NAT1: variants seen among roughly 807,000 people sequenced by gnomAD.
The protein encoded by NAT1 is arylamine N-acetyltransferase 1.
For missense variants in NAT1, 400 were observed against 339.2 expected (o/e 1.18, Z -1.41); for synonymous variants, 144 against 122.6 (o/e 1.17, Z -1.16).
chr8:18,170,562 C>T (rs1354383221), intron 1 of NAT1: 6 of 152,160 alleles, frequency 3.9e-5, no homozygotes, highest in Admixed American at 1.3e-4. Context: ...CTCACCTCAT[C>T]GGAGGTGGGG....
chr8:18,182,750 A>T (rs1375903433), intron 2 of NAT1, among the ~76,000 whole-genome samples: 1 of 152,168 alleles, frequency 6.6e-6, no homozygotes, highest in African/African-American at 2.4e-5. Context: ...ATTCATGTTA[A>T]AATTAACTCA....
chr8:18,216,224 G>A (rs1238639640), intron 1 of NAT1, among the ~76,000 whole-genome samples: 1 of 152,076 alleles, frequency 6.6e-6, no homozygotes, highest in Non-Finnish European at 1.5e-5. Flanking sequence ...GAGTGACCTG[G>A]GATTTTTATA....
At chr8:18,218,534 T>A (rs1418607802) in intron 1 of NAT1, among the ~76,000 whole-genome samples, 1 of 152,204 alleles carries the variant, frequency 6.6e-6, no homozygotes, top group East Asian at 1.9e-4. Context: ...GGAATGGGCT[T>A]TCTAAATCAG....
chr8:18,184,361 T>G (rs1194353208), intron 2 of NAT1, among the ~76,000 whole-genome samples: 1 of 152,104 alleles, frequency 6.6e-6, no homozygotes, highest in Non-Finnish European at 1.5e-5. Flanking sequence ...GAGGGCGCCC[T>G]GGGCCCATCA....
chr8:18,180,962 G>C (rs879480712), intron 2 of NAT1, among the ~76,000 whole-genome samples: 2 of 151,874 alleles, frequency 1.3e-5, no homozygotes, highest in South Asian at 4.2e-4. Context: ...TATTCTTTTT[G>C]GTCTGGATTG....
intron 1 of NAT1, among the ~76,000 whole-genome samples, chr8:18,213,350 G>C (rs150579979): frequency 0.01 from 1,540 of 152,082 alleles, 5 homozygotes; most frequent in Non-Finnish European, 0.015. Flanking sequence ...ATTATACCTA[G>C]ATACATCTTG....
intron 2 of NAT1, among the ~76,000 whole-genome samples, chr8:18,172,205 A>C (rs1802121153): frequency 6.6e-6 from 1 of 152,058 alleles, no homozygotes; most frequent in Non-Finnish European, 1.5e-5. Flanking sequence ...ATGGGTCTTA[A>C]GCCAAACACT....
Position 18,184,572 on chromosome 8 carries a change from CATA to C in NAT1, n.92+13839_92+13841del, listed in dbSNP as rs1179389568. On this transcript the variant is annotated intron_variant and non_coding_transcript_variant, in intron 2 of 4. Transcript: ENST00000517441. ...AAGGTTGTTGAATATGAGGTCAATA[CATA>C]ATAATCAAGAATAACAATAATTAAC... 5.3e-5 allele frequency among the ~76,000 whole-genome samples: 8 copies of C among 152,286 alleles called. No individual in the cohort carries two copies. In the East Asian group the frequency reaches 1.5e-3, roughly 29 times the overall value.
intron 2 of NAT1, among the ~76,000 whole-genome samples, chr8:18,182,903 T>G (rs1293557845): frequency 6.6e-6 from 1 of 152,196 alleles, no homozygotes; most frequent in Admixed American, 6.5e-5. Flanking sequence ...CTAAATAATG[T>G]CTAATCATTT....
At chr8:18,220,075 C>T (rs182112096) in intron 2 of NAT1, among the ~76,000 whole-genome samples, 1 of 152,292 alleles carries the variant, frequency 6.6e-6, no homozygotes, top group African/African-American at 2.4e-5. Context: ...CTCTTCTTTA[C>T]ATACTCAGTA....
At chr8:18,172,553 G>A (rs1328260372) in intron 2 of NAT1, among the ~76,000 whole-genome samples, 5 of 152,128 alleles carry the variant, frequency 3.3e-5, no homozygotes, top group African/African-American at 1.2e-4. Flanking sequence ...CTGTGCCCAT[G>A]CTGTTTCTCT....
At chr8:18,210,444 A>G (rs1208314032) in intron 1 of NAT1, among the ~76,000 whole-genome samples, 1 of 152,184 alleles carries the variant, frequency 6.6e-6, no homozygotes, top group East Asian at 1.9e-4. Context: ...TAGTTTCCCT[A>G]AAACTCAGTT....
At chr8:18,215,556 CTTTATT>C (rs1804568979) in intron 1 of NAT1, among the ~76,000 whole-genome samples, 1 of 152,022 alleles carries the variant, frequency 6.6e-6, no homozygotes, top group African/African-American at 2.4e-5. Flanking sequence ...TATTTTATCA[CTTTATT>C]TTTAGCTGTT....
intron 2 of NAT1, chr8:18,200,824 G>A (rs1039037447): frequency 4.6e-5 from 7 of 152,078 alleles, no homozygotes; most frequent in African/African-American, 1.7e-4. Flanking sequence ...TCACCTAGGA[G>A]AACCGCAGAG....
At chr8:18,176,924 G>C (rs1802316814) in intron 2 of NAT1, among the ~76,000 whole-genome samples, 2 of 151,566 alleles carry the variant, frequency 1.3e-5, no homozygotes, top group African/African-American at 2.4e-5. Context: ...TTAGTGTAGA[G>C]ATCTTTCACC....
chr8:18,215,318 T>G (rs1234219467), intron 1 of NAT1, among the ~76,000 whole-genome samples: 1 of 152,242 alleles, frequency 6.6e-6, no homozygotes, highest in Non-Finnish European at 1.5e-5. Flanking sequence ...TGTCTTTGCA[T>G]TGGCTTGTCC....
At chr8:18,204,750 T>A (rs1015370275) in intron 2 of NAT1, among the ~76,000 whole-genome samples, 3 of 152,176 alleles carry the variant, frequency 2.0e-5, no homozygotes, top group Middle Eastern at 3.2e-3. Flanking sequence ...CTAATAGCCA[T>A]AAGAGAATCA....
At chr8:18,191,985 A>T (rs1286210198) in intron 2 of NAT1, among the ~76,000 whole-genome samples, 2 of 152,106 alleles carry the variant, frequency 1.3e-5, no homozygotes, top group Non-Finnish European at 2.9e-5. Flanking sequence ...CAAAATTGAC[A>T]AATGGGATCT....
At chr8:18,217,008 A>C in intron 1 of NAT1, 1 of 1,525,464 alleles carries the variant, frequency 6.6e-7, no homozygotes, top group Non-Finnish European at 8.9e-7. Flanking sequence ...AGTACCCTGG[A>C]TGCAGTACCT....
Sources: allele counts gnomAD v4.1 joint callset (sites outside exome capture counted in the v4.1 genomes callset), GRCh38; gene constraint gnomAD v4.1.1; transcripts MANE v1.5; gene names NCBI Gene and HGNC (gene_info 2026-07-23, HGNC 2026-07-21).